Variants in ABHD17C observed in about 807,000 individuals in gnomAD.
ABHD17C encodes alpha/beta hydrolase domain-containing protein 17C.
A neutral mutation model predicts 27.9 loss-of-function variants in ABHD17C; 11 were observed. The ratio of observed to expected loss-of-function variants is 0.39; its 90% CI spans 0.25 to 0.65. The LOEUF is 0.65. Ranked by LOEUF, ABHD17C falls within the 30% of genes least tolerant of loss-of-function variation. The pLI, the probability that ABHD17C is intolerant of heterozygous loss-of-function variation, is 0.45. For missense variants in ABHD17C, 280 were observed against 470.2 expected (o/e 0.60, Z 3.74); for synonymous variants, 233 against 209.1 (o/e 1.11, Z -0.98).
intron 1 of ABHD17C, among the ~76,000 whole-genome samples, chr15:80,731,194 C>A (rs1026706225): frequency 6.6e-6 from 1 of 152,142 alleles, no homozygotes; most frequent in African/African-American, 2.4e-5. Context: ...TGCAGCCAAC[C>A]TCTTTAACAA....
At chr15:80,727,298 G>A (rs1301158284) in intron 1 of ABHD17C, among the ~76,000 whole-genome samples, 1 of 152,138 alleles carries the variant, frequency 6.6e-6, no homozygotes, top group Non-Finnish European at 1.5e-5. Context: ...CAGTGGAGAG[G>A]GCGTGTTAGA....
chr15:80,743,768 G>T (rs1226716146), intron 1 of ABHD17C, among the ~76,000 whole-genome samples: 1 of 152,092 alleles, frequency 6.6e-6, no homozygotes, highest in Non-Finnish European at 1.5e-5. Flanking sequence ...TGTATTTTTA[G>T]TAGAGATAAG....
Position 80,754,225 on chromosome 15 carries a change from C to A in ABHD17C, c.845C>A (p.Ser282Tyr), listed in dbSNP as rs370926207. ...HGTEDEVIDF[S>Y]HGLAMYERCP... is the part of the protein sequence containing the mutation. ...ACAGAGGATGAGGTCATCGATTTCT[C>A]CCATGGCCTAGCGATGTACGAGCGC... Residue 282 changes from serine (S) to tyrosine (Y), a missense_variant, in exon 3 of 3, where the codon TCC (serine) becomes TAC (tyrosine). Ser to Tyr is a moderately radical substitution (Grantham distance 144, BLOSUM62 -2). This residue lies in a region of ABHD17C where 206 missense variants were observed against 394.7 expected (regional missense o/e 0.52). Coordinates refer to ENST00000258884, the MANE Select transcript of ABHD17C (RefSeq NM_021214.2). The A allele has an allele frequency of 1.9e-6, 3 of 1,613,972 alleles. No individual in the cohort carries two copies. The highest frequency in any genetic ancestry group is 2.5e-6 in the Non-Finnish European group (3 of 1,179,888).
Position 80,739,049 on chromosome 15 carries a change from A to C in ABHD17C, c.591-10464A>C, listed in dbSNP as rs369401447. Among the ~76,000 whole-genome samples the C allele has an allele frequency of 7.2e-5, 11 of 152,314 alleles. 1 individual carries two copies. Among genetic ancestry groups the C allele is most frequent in the East Asian group, 1.9e-4 (1 of 5,178 alleles). ...GTGGGAGAAGAAAGAGGAGTGACCA[A>C]AGGAAACAGAAGAAGAGTGCCCAGA... is the stretch of plus-strand genomic sequence containing the variant. On this transcript the variant is annotated intron_variant, in intron 1 of 2. Transcript: ENST00000258884.
chr15:80,728,406 C>A (rs1045853255), intron 1 of ABHD17C, among the ~76,000 whole-genome samples: 2 of 152,322 alleles, frequency 1.3e-5, no homozygotes, highest in South Asian at 4.2e-4. Context: ...TTTGGTCTGA[C>A]CTGATCAAGC....
intron 1 of ABHD17C, among the ~76,000 whole-genome samples, chr15:80,726,016 A>G (rs1894969344): frequency 6.6e-6 from 1 of 152,228 alleles, no homozygotes; most frequent in South Asian, 2.1e-4. Flanking sequence ...CCACATATTT[A>G]TTAACAGCAA....
At position 80,695,789 on chromosome 15, in the gene ABHD17C, C is replaced by T. The variant is rs752941756; in HGVS notation, c.360C>T (p.Leu120=). The T allele has an allele frequency of 1.9e-5, 29 of 1,548,086 alleles. No individual in the cohort carries two copies. The highest frequency in any genetic ancestry group is 1.2e-4 in the Admixed American group (6 of 51,714). Residue 120 remains leucine, a synonymous_variant, in exon 1 of 3, where the codon CTC becomes CTT. Coordinates refer to ENST00000258884, the MANE Select transcript of ABHD17C (RefSeq NM_021214.2). The surrounding 1 kb of genome is among the most constrained non-coding windows in gnomAD (Gnocchi z 4.3). Reference sequence around the variant, plus strand: ...CGCGCACGGCCCGGGACAACCGGCTCGGCTGCATGTTCGTGCGCTGCGCGC... The same window carrying T: ...CGCGCACGGCCCGGGACAACCGGCTTGGCTGCATGTTCGTGCGCTGCGCGC... ...FFSRTARDNR[L]GCMFVRCAPS... is the part of the protein sequence containing the mutation.
At chr15:80,718,641 T>A (rs990109268) in intron 1 of ABHD17C, among the ~76,000 whole-genome samples, 1 of 152,136 alleles carries the variant, frequency 6.6e-6, no homozygotes, top group Admixed American at 6.6e-5. Context: ...AGCCGCTTCT[T>A]GTAATTTTAA....
intron 2 of ABHD17C, among the ~76,000 whole-genome samples, chr15:80,753,594 T>C (rs766323055): frequency 2.6e-5 from 4 of 152,166 alleles, no homozygotes; most frequent in Non-Finnish European, 4.4e-5. Flanking sequence ...CAGGCTGGAG[T>C]GCAGTGGCAC....
At chr15:80,740,278 A>T (rs1194537984) in intron 1 of ABHD17C, among the ~76,000 whole-genome samples, 1 of 152,016 alleles carries the variant, frequency 6.6e-6, no homozygotes, top group Non-Finnish European at 1.5e-5. Context: ...TGAGTTCCTT[A>T]GAGGGAAGAA....
rs773645113 is a variant in ABHD17C at position 80,695,897 on chromosome 15, C to T, written c.468C>T (p.Gly156=). 6.3e-7 allele frequency: 1 copy of T among 1,597,378 alleles called. No homozygotes were observed. The highest frequency in any genetic ancestry group is 1.1e-5 in the South Asian group (1 of 90,852). The change falls in exon 1 of 3, where the codon GGC becomes GGT. Residue 156 remains glycine, a synonymous_variant. Coordinates refer to ENST00000258884, the MANE Select transcript of ABHD17C (RefSeq NM_021214.2). This position sits in a 1 kb window ranked among gnomAD's most constrained non-coding sequence, Gnocchi z 4.3. The part of the protein sequence containing the change: ...GQMCSFYIGL[G]SRINCNIFSY... ...TGTGCAGCTTCTACATTGGCCTCGG[C>T]TCCCGCATCAACTGCAACATCTTCT...
intron 1 of ABHD17C, among the ~76,000 whole-genome samples, chr15:80,717,760 C>T (rs1894827896): frequency 1.3e-5 from 2 of 152,126 alleles, no homozygotes; most frequent in African/African-American, 4.8e-5. Context: ...AACCATTTTT[C>T]TTCAAAAGTT....
At chr15:80,732,973 G>A (rs1895077244) in intron 1 of ABHD17C, among the ~76,000 whole-genome samples, 1 of 152,164 alleles carries the variant, frequency 6.6e-6, no homozygotes, top group African/African-American at 2.4e-5. Context: ...GACTACAAGT[G>A]CAGGAGAGAG....
chr15:80,754,572 A>G lies in ABHD17C; in HGVS notation c.*202A>G. 1 of 559,636 alleles carries G rather than the reference A, an allele frequency of 1.8e-6. No individual in the cohort carries two copies. Among genetic ancestry groups the G allele is most frequent in the Non-Finnish European group, 3.2e-6 (1 of 314,796 alleles). The allele number at this position is 559,636 out of a possible 1,614,324, so 34.7% of individuals were successfully genotyped here. The stretch of plus-strand genomic sequence containing the variant: ...TAATTCACACAACACGTTAAACTGA[A>G]CAGTCGTGATTCCCAGCTTCATTAC... On this transcript the variant is annotated 3_prime_UTR_variant, in exon 3 of 3. Coordinates refer to ENST00000258884, the MANE Select transcript of ABHD17C (RefSeq NM_021214.2).
At chr15:80,724,351 A>G (rs1894941841) in intron 1 of ABHD17C, among the ~76,000 whole-genome samples, 1 of 152,218 alleles carries the variant, frequency 6.6e-6, no homozygotes, top group African/African-American at 2.4e-5. Flanking sequence ...CCCTCCAAAA[A>G]AAACCCCTTA....
At chr15:80,711,922 C>T (rs1283414038) in intron 1 of ABHD17C, among the ~76,000 whole-genome samples, 3 of 152,214 alleles carry the variant, frequency 2.0e-5, no homozygotes, top group Non-Finnish European at 4.4e-5. Flanking sequence ...GAATGAAAGA[C>T]TGCTGCCTGT....
chr15:80,741,734 AT>A (rs1276962335), intron 1 of ABHD17C, among the ~76,000 whole-genome samples: 1 of 152,174 alleles, frequency 6.6e-6, no homozygotes, highest in Non-Finnish European at 1.5e-5. Context: ...CTGTTTTCTT[AT>A]TAAGTTGGGA....
intron 2 of ABHD17C, among the ~76,000 whole-genome samples, chr15:80,752,520 CAG>C (rs1222814042): frequency 1.3e-5 from 2 of 152,184 alleles, no homozygotes; most frequent in African/African-American, 2.4e-5. Context: ...CTTGATAAAA[CAG>C]AGGTGGTCAT....
At chr15:80,733,137 T>G (rs538667945) in intron 1 of ABHD17C, among the ~76,000 whole-genome samples, 11 of 152,322 alleles carry the variant, frequency 7.2e-5, no homozygotes, top group Admixed American at 2.0e-4. Flanking sequence ...TTGTGCTGTC[T>G]GATTGCAGAG....
Sources: allele counts gnomAD v4.1 joint callset (sites outside exome capture counted in the v4.1 genomes callset), GRCh38; gene constraint gnomAD v4.1.1; regional missense constraint gnomAD v4.1.1; non-coding constraint Gnocchi (gnomAD v3.1); transcripts MANE v1.5; gene names NCBI Gene and HGNC (gene_info 2026-07-23, HGNC 2026-07-21).